The following CALHM4 variants were observed in gnomAD, a reference collection of about 807,000 sequenced individuals.
The protein encoded by CALHM4 is calcium homeostasis modulator family member 4, also known as calcium homeostasis modulator protein 4.
A neutral mutation model predicts 13.3 loss-of-function variants in CALHM4; 16 were observed. The ratio of observed to expected loss-of-function variants is 1.20; its 90% CI spans 0.81 to 1.82. The LOEUF (loss-of-function observed/expected upper bound fraction) is 1.82, where lower values mean the gene tolerates loss of function less well. Ranked by LOEUF, CALHM4 falls within the 40% of genes most tolerant of loss-of-function variation. The probability of loss-of-function intolerance (pLI) is 0.00; values close to 1 mark genes in which losing one functional copy is unlikely to be tolerated. For missense variants in CALHM4, 344 were observed against 374.9 expected (o/e 0.92, Z 0.68); for synonymous variants, 127 against 137.1 (o/e 0.93, Z 0.52).
In CALHM4 at chr6:116,559,006, C is replaced by T. The variant is rs980794005; in HGVS notation, c.*795C>T. ...CTCTACTCCAGAGATACCATTTGTA[C>T]CTTTTCATTACCAAATTGCACCTTT... On this transcript the variant is annotated 3_prime_UTR_variant, in exon 2 of 2. Coordinates refer to ENST00000368596, the MANE Select transcript of CALHM4 (RefSeq NM_001366078.2). The T allele has an allele frequency of 2.0e-5, 3 of 152,176 alleles. No homozygotes were observed. The highest frequency in any genetic ancestry group is 7.2e-5 in the African/African-American group (3 of 41,424). The allele number at this position is 152,176 out of a possible 1,614,324, so 9.4% of individuals were successfully genotyped here. A position where few individuals can be genotyped will look rare whatever the true frequency, so the allele number is the denominator to read the frequency against.
rs1773247909 is a variant in CALHM4, at chr6:116,538,736, T to TTC, written c.-108-5028_-108-5027insCT. Among the ~76,000 whole-genome samples, 5 of 146,078 alleles carry TTC rather than the reference T, an allele frequency of 3.4e-5. No individual in the cohort carries two copies. The South Asian group carries it at 1.1e-3, about 31-fold the overall frequency. The stretch of plus-strand genomic sequence containing the variant: ...GACAAAGTCTTAAATCTTTCTTTCT[T>TTC]TTTTTTTTTTTTTGAAACAGGGTCT... On this transcript the variant is annotated intron_variant, in intron 1 of 2. Transcript: ENST00000368597.
chr6:116,553,245 G>A (rs1774160022), upstream of CALHM4, among the ~76,000 whole-genome samples: 1 of 152,152 alleles, frequency 6.6e-6, no homozygotes, highest in South Asian at 2.1e-4. Context: ...TTGGCTTTAG[G>A]GGCATCTAGC....
chr6:116,533,222 G>C (rs1772848812), intron 1 of CALHM4, among the ~76,000 whole-genome samples: 1 of 152,234 alleles, frequency 6.6e-6, no homozygotes, highest in African/African-American at 2.4e-5. Context: ...TAGATTTATA[G>C]TCATTGGAGG....
At chr6:116,541,350 T>G (rs541399033) in intron 1 of CALHM4, among the ~76,000 whole-genome samples, 1 of 152,234 alleles carries the variant, frequency 6.6e-6, no homozygotes, top group South Asian at 2.1e-4. Context: ...TTGCCAAACC[T>G]CTATCAAAAT....
chr6:116,529,173 C>T (rs748664351), exon 1 of CALHM4: 1 of 152,178 alleles, frequency 6.6e-6, no homozygotes, highest in Admixed American at 6.5e-5. Flanking sequence ...TTGCTGCAAC[C>T]CTTCAGCTCT....
chr6:116,549,997 T>G (rs1271879541), upstream of CALHM4, among the ~76,000 whole-genome samples: 1 of 79,052 alleles, frequency 1.3e-5, no homozygotes, highest in Non-Finnish European at 2.4e-5. Context: ...TATATATATA[T>G]ATATATATAT....
chr6:116,538,734 CTTT>C (rs531255700), intron 1 of CALHM4, among the ~76,000 whole-genome samples: 8 of 141,126 alleles, frequency 5.7e-5, no homozygotes, highest in Non-Finnish European at 6.2e-5. Context: ...ATCTTTCTTT[CTTT>C]TTTTTTTTTT....
rs1774563460 is a variant in CALHM4, at chr6:116,560,902, C to T, written c.*2691C>T. On this transcript the variant is annotated 3_prime_UTR_variant, in exon 2 of 2. Coordinates refer to ENST00000368596, the MANE Select transcript of CALHM4 (RefSeq NM_001366078.2). ...TCCTTTCTTAATTTCATTAGCTCCT[C>T]CACGGTCCCATCATGACCTAAGTTG... Among the ~76,000 whole-genome samples, 1 of 152,198 alleles carries T rather than the reference C, an allele frequency of 6.6e-6. No homozygotes were observed.
intron 1 of CALHM4, among the ~76,000 whole-genome samples, chr6:116,555,933 G>C (rs1225657677): frequency 6.6e-6 from 1 of 151,990 alleles, no homozygotes; most frequent in African/African-American, 2.4e-5. Context: ...CTTCCCTACT[G>C]CATATAAAGC....
intron 1 of CALHM4, among the ~76,000 whole-genome samples, chr6:116,534,049 C>G (rs1328748216): frequency 6.6e-6 from 1 of 152,276 alleles, no homozygotes; most frequent in African/African-American, 2.4e-5. Context: ...AAGTGGAACT[C>G]TGTCTAAAAA....
At chr6:116,537,472 T>A (rs1773171938) in intron 1 of CALHM4, among the ~76,000 whole-genome samples, 1 of 152,196 alleles carries the variant, frequency 6.6e-6, no homozygotes, top group Non-Finnish European at 1.5e-5. Context: ...TGGGGAACAT[T>A]CTGGGTTTTT....
chr6:116,557,857 C>T lies in CALHM4; in HGVS notation c.591C>T (p.Thr197=), dbSNP rs747742292. Residue 197 remains threonine (T), a synonymous_variant, in exon 2 of 2, where the codon ACC becomes ACT. Transcript: ENST00000368596. ...MLGWILITLA[T]IAALVSCCVA... ...GTTGGATTTTGATCACCTTGGCAAC[C>T]ATTGCTGCCTTAGTCTCCTGCTGTG... 3.7e-6 allele frequency: 6 copies of T among 1,613,894 alleles called. No individual in the cohort carries two copies. The highest frequency in any genetic ancestry group is 4.2e-6 in the Non-Finnish European group (5 of 1,179,904).
chr6:116,548,150 T>A (rs1015134357), intron 2 of CALHM4, among the ~76,000 whole-genome samples: 1 of 152,190 alleles, frequency 6.6e-6, no homozygotes. Flanking sequence ...GCTCTGCCCT[T>A]ATGAATGAAT....
rs1774211481 is a variant in CALHM4, at chr6:116,554,293, C to A, written c.500C>A (p.Pro167His). 1 of 1,550,146 alleles carries A rather than the reference C, an allele frequency of 6.5e-7. No individual in the cohort carries two copies. Among genetic ancestry groups the A allele is most frequent in the African/African-American group, 1.4e-5 (1 of 73,048 alleles). ...LAGFPCCRSA[P>H]SDVILVRDEI... ...GGGTTTCCATGTTGCAGATCAGCTC[C>A]TTCTGACGTGATCCTAGTAAGAGAT... Residue 167 changes from proline (P) to histidine (H), a missense_variant, in exon 1 of 2, where the codon CCT becomes CAT. Coordinates refer to ENST00000368596, the MANE Select transcript of CALHM4 (RefSeq NM_001366078.2).
At chr6:116,553,000 G>A (rs1316587406), upstream of CALHM4, among the ~76,000 whole-genome samples, 1 of 152,200 alleles carries the variant, frequency 6.6e-6, no homozygotes, top group African/African-American at 2.4e-5. Flanking sequence ...CGTGAACCCG[G>A]GAGGCGGAGC....
intron 1 of CALHM4, chr6:116,543,354 AGCTGG>A: frequency 6.5e-7 from 1 of 1,550,080 alleles, no homozygotes; most frequent in Middle Eastern, 1.7e-4. Context: ...ATCCTTACAC[AGCTGG>A]GCAACCAGAG....
intron 1 of CALHM4, among the ~76,000 whole-genome samples, chr6:116,534,108 GT>G (rs34484876): frequency 0.35 from 52,517 of 150,030 alleles, 9,721 homozygotes; most frequent in Middle Eastern, 0.53. Flanking sequence ...TCTGTAGTGC[GT>G]TTTTTTTTTC....
At chr6:116,549,647 A>G (rs1291245885), upstream of CALHM4, among the ~76,000 whole-genome samples, 1 of 151,698 alleles carries the variant, frequency 6.6e-6, no homozygotes, top group East Asian at 1.9e-4. Flanking sequence ...TCTGATATTT[A>G]TTTGATGGAT....
intron 2 of CALHM4, chr6:116,545,361 G>T: frequency 1.2e-6 from 1 of 820,018 alleles, no homozygotes; most frequent in Non-Finnish European, 1.9e-6. Flanking sequence ...GCTGAACACT[G>T]TCTTTCCTCC....
Sources: allele counts gnomAD v4.1 joint callset (sites outside exome capture counted in the v4.1 genomes callset), GRCh38; gene constraint gnomAD v4.1.1; transcripts MANE v1.5; gene names NCBI Gene and HGNC (gene_info 2026-07-23, HGNC 2026-07-21).